Variants in ASB5 observed in about 807,000 individuals in gnomAD.
ASB5 encodes ankyrin repeat and SOCS box containing 5, also known as ankyrin repeat and SOCS box protein 5.
ASB5 carries 45 observed loss-of-function variants against 42.1 expected under a neutral mutation model. The ratio of observed to expected loss-of-function variants is 1.07; its 90% CI spans 0.84 to 1.37. ASB5 has a LOEUF of 1.37. ASB5 is among the 40% of genes most tolerant of loss of function. ASB5 has a pLI of 0.00. For missense variants in ASB5, 402 were observed against 399.8 expected (o/e 1.01, Z -0.05); for synonymous variants, 147 against 150.6 (o/e 0.98, Z 0.18).
At chr4:176,256,678 C>T (rs560297022) in intron 1 of ASB5, among the ~76,000 whole-genome samples, 10 of 152,116 alleles carry the variant, frequency 6.6e-5, no homozygotes, top group Non-Finnish European at 1.2e-4. Flanking sequence ...GTGGCTCATG[C>T]CTGTAATCCT....
chr4:176,262,619 A>G (rs1009577460), intron 1 of ASB5, among the ~76,000 whole-genome samples: 2 of 152,150 alleles, frequency 1.3e-5, no homozygotes, highest in Non-Finnish European at 2.9e-5. Context: ...AGCAATTTCC[A>G]TGTTTTAAAA....
At chr4:176,215,929 T>C (rs1052038322) in intron 6 of ASB5, among the ~76,000 whole-genome samples, 4 of 152,146 alleles carry the variant, frequency 2.6e-5, no homozygotes, top group Non-Finnish European at 5.9e-5. Flanking sequence ...ATATTCCATA[T>C]ACATTCCTTA....
intron 1 of ASB5, among the ~76,000 whole-genome samples, chr4:176,259,377 A>T (rs1187597717): frequency 1.3e-5 from 2 of 152,210 alleles, no homozygotes; most frequent in East Asian, 3.9e-4. Flanking sequence ...TGACGGAAAC[A>T]CCATTTCTCT....
intron 1 of ASB5, among the ~76,000 whole-genome samples, chr4:176,256,154 C>A (rs1267713257): frequency 1.3e-5 from 2 of 152,038 alleles, no homozygotes; most frequent in Non-Finnish European, 2.9e-5. Flanking sequence ...ATATTCCTGC[C>A]AAGCTTTGAG....
intron 1 of ASB5, among the ~76,000 whole-genome samples, chr4:176,261,459 C>T (rs1262521072): frequency 6.6e-6 from 1 of 152,110 alleles, no homozygotes; most frequent in African/African-American, 2.4e-5. Context: ...TTATTTTTCC[C>T]ATTAGCATCA....
At chr4:176,244,370 C>T (rs1579326022) in intron 1 of ASB5, among the ~76,000 whole-genome samples, 1 of 152,200 alleles carries the variant, frequency 6.6e-6, no homozygotes, top group African/African-American at 2.4e-5. Context: ...ACATAAACCA[C>T]ATTTACATCC....
intron 1 of ASB5, among the ~76,000 whole-genome samples, chr4:176,233,130 A>G (rs1306845813): frequency 3.3e-5 from 5 of 152,324 alleles, no homozygotes; most frequent in Non-Finnish European, 5.9e-5. Context: ...GAAACATCAC[A>G]AATACAACCC....
In ASB5 at chr4:176,216,023, A is replaced by G. The variant is rs181810806; in HGVS notation, c.863-296T>C. Among the ~76,000 whole-genome samples, 361 of 152,238 alleles carry G rather than the reference A, an allele frequency of 2.4e-3. 3 individuals carry two copies. Among genetic ancestry groups the G allele is most frequent in the African/African-American group, 8.4e-3 (348 of 41,558 alleles). ...AGTCTGCTTTTTGAAGGAGATATAAATCAAAAGTCCTGAGAAGTATTATGC... is the reference window on the plus strand; with the variant it reads ...AGTCTGCTTTTTGAAGGAGATATAAGTCAAAAGTCCTGAGAAGTATTATGC... On this transcript the variant is annotated intron_variant, in intron 6 of 6. Transcript: ENST00000296525.
At chr4:176,241,264 T>TA (rs1272782086) in intron 1 of ASB5, among the ~76,000 whole-genome samples, 10 of 152,224 alleles carry the variant, frequency 6.6e-5, no homozygotes, top group African/African-American at 2.4e-4. Flanking sequence ...CTTAAGTTGA[T>TA]ATAACTTTTA....
At chr4:176,237,327 G>A (rs144920471) in intron 1 of ASB5, 20 of 985,834 alleles carry the variant, frequency 2.0e-5, no homozygotes, top group South Asian at 1.9e-4. Flanking sequence ...CTAGCTTTTC[G>A]TTTAGAAGAA....
At chr4:176,227,971 G>A (rs564508722) in intron 1 of ASB5, among the ~76,000 whole-genome samples, 131 of 152,008 alleles carry the variant, frequency 8.6e-4, no homozygotes, top group Non-Finnish European at 1.8e-3. Flanking sequence ...TTTATTCTCG[G>A]CAAAAGTAGG....
intron 1 of ASB5, among the ~76,000 whole-genome samples, chr4:176,234,055 A>T (rs1222925305): frequency 6.6e-6 from 1 of 152,066 alleles, no homozygotes; most frequent in African/African-American, 2.4e-5. Context: ...AGCCTCCACC[A>T]CTATACCCTA....
At chr4:176,274,733 C>G (rs995985514) in intron 2 of ASB5, among the ~76,000 whole-genome samples, 3 of 151,994 alleles carry the variant, frequency 2.0e-5, no homozygotes, top group Admixed American at 1.3e-4. Flanking sequence ...TGTGCCTCAC[C>G]CAAATCTTCT....
At chr4:176,226,776 G>A (rs964602035) in intron 1 of ASB5, among the ~76,000 whole-genome samples, 10 of 152,152 alleles carry the variant, frequency 6.6e-5, no homozygotes, top group Admixed American at 2.0e-4. Context: ...CACACTCCCA[G>A]CTCCTTCTGC....
In ASB5 at chr4:176,226,878, G is replaced by A. The variant is rs570937934; in HGVS notation, c.197-1537C>T. Among the ~76,000 whole-genome samples, 34 of 152,324 alleles carry A rather than the reference G, an allele frequency of 2.2e-4. 2 individuals carry two copies. The highest frequency in any genetic ancestry group is 5.3e-4 in the African/African-American group (22 of 41,572). On this transcript the variant is annotated intron_variant, in intron 1 of 6. Transcript: ENST00000296525. Reference sequence around the variant, plus strand: ...CATGGAGGGCAAGTAGCTGAGCCCCGCGTCTGAAGTGAAGCATGAGCCCTG... The same window carrying A: ...CATGGAGGGCAAGTAGCTGAGCCCCACGTCTGAAGTGAAGCATGAGCCCTG...
At chr4:176,235,647 G>A (rs946810048) in intron 1 of ASB5, among the ~76,000 whole-genome samples, 18 of 152,030 alleles carry the variant, frequency 1.2e-4, no homozygotes, top group African/African-American at 3.9e-4. Flanking sequence ...TTATCTTTGT[G>A]AATAATTATC....
chr4:176,269,450 CA>C (rs1351724425), upstream of ASB5, among the ~76,000 whole-genome samples: 3 of 152,064 alleles, frequency 2.0e-5, no homozygotes, highest in Non-Finnish European at 2.9e-5. Flanking sequence ...TTATCAAGAA[CA>C]ATTTGAAGAC....
chr4:176,268,245 T>C (rs4690677), intron 1 of ASB5, among the ~76,000 whole-genome samples: 98,897 of 152,036 alleles, frequency 0.65, 32,432 homozygotes, highest in Middle Eastern at 0.72. Flanking sequence ...GGTTTCATAC[T>C]ACAATTTCTT....
intron 1 of ASB5, among the ~76,000 whole-genome samples, chr4:176,253,246 A>G (rs1419399735): frequency 6.6e-6 from 1 of 152,240 alleles, no homozygotes. Flanking sequence ...TAGTCTAAAA[A>G]ATGTACATTT....
Sources: gnomAD v4.1 joint callset for allele counts (sites outside exome capture counted in the v4.1 genomes callset) on GRCh38, gnomAD v4.1.1 for gene constraint, MANE v1.5 for transcripts, NCBI Gene and HGNC (gene_info 2026-07-23, HGNC 2026-07-21) for gene names.